Variants in RSPO4 observed in about 807,000 individuals in gnomAD.
The protein encoded by RSPO4 is R-spondin 4, also known as R-spondin-4.
In RSPO4, 23 loss-of-function variants were observed where a neutral mutation model predicts 24.8. The ratio of observed to expected loss-of-function variants is 0.93; its 90% confidence interval spans 0.67 to 1.31. RSPO4 has a LOEUF of 1.31. Ranked by LOEUF, RSPO4 falls within the 40% of genes most tolerant of loss-of-function variation. The pLI, the probability that RSPO4 is intolerant of heterozygous loss-of-function variation, is 0.00. For missense variants in RSPO4, 333 were observed against 316.5 expected (o/e 1.05, Z -0.39); for synonymous variants, 141 against 127.4 (o/e 1.11, Z -0.72).
In RSPO4 at chr20:968,002, G is replaced by A. The variant is rs762043573; in HGVS notation, c.216C>T (p.Asp72=). The change falls in exon 2 of 5, where the codon GAC becomes GAT. Residue 72 remains aspartate, a synonymous_variant. Coordinates refer to ENST00000217260, the MANE Select transcript of RSPO4 (RefSeq NM_001029871.4). ...GIRQYGKCLH[D]CPPGYFGIRG... ...GGATGCCGAAGTACCCAGGGGGACA[G>A]TCGTGCAGGCACTTGCCGTACTGGC... 8 of 1,614,150 alleles carry A rather than the reference G, an allele frequency of 5.0e-6. No homozygotes were observed. Among genetic ancestry groups the A allele is most frequent in the Non-Finnish European group, 6.8e-6 (8 of 1,180,054 alleles).
chr20:963,822 T>G, intron 4 of RSPO4, 113 bp downstream of exon 4: 4 of 1,061,466 alleles, frequency 3.8e-6, no homozygotes, highest in Non-Finnish European at 5.8e-6. Context: ...GTATGGCTAA[T>G]GGTGGCCTTT....
At chr20:960,815 C>G (rs1306312866) in intron 4 of RSPO4, among the ~76,000 whole-genome samples, 1 of 152,244 alleles carries the variant, frequency 6.6e-6, no homozygotes, top group Non-Finnish European at 1.5e-5. Flanking sequence ...TTCCCCGGCA[C>G]ACTCCTTCCA....
intron 1 of RSPO4, among the ~76,000 whole-genome samples, chr20:982,405 C>T (rs186293900): frequency 1.3e-3 from 204 of 152,338 alleles, no homozygotes; most frequent in African/African-American, 4.9e-3. Context: ...AGTTGTCAAG[C>T]ATATGCAGTT....
chr20:965,629 G>C (rs1182634668), intron 3 of RSPO4, among the ~76,000 whole-genome samples: 1 of 152,230 alleles, frequency 6.6e-6, no homozygotes, highest in African/African-American at 2.4e-5. Flanking sequence ...GATAGGCAGG[G>C]GGTGGCAAGA....
intron 1 of RSPO4, among the ~76,000 whole-genome samples, chr20:992,505 G>C (rs559364736): frequency 6.6e-6 from 1 of 151,952 alleles, no homozygotes; most frequent in East Asian, 1.9e-4. Context: ...AGGCTCGAAC[G>C]TTCTGTACAC....
At chr20:988,704 CCAT>C (rs1183001316) in intron 1 of RSPO4, among the ~76,000 whole-genome samples, 1 of 152,156 alleles carries the variant, frequency 6.6e-6, no homozygotes, top group African/African-American at 2.4e-5. Flanking sequence ...GCACCCACCA[CCAT>C]GCCTGGCTAA....
intron 3 of RSPO4, among the ~76,000 whole-genome samples, chr20:964,554 A>T (rs1041778753): frequency 1.6e-4 from 25 of 151,954 alleles, no homozygotes; most frequent in African/African-American, 5.8e-4. Context: ...GTTGCCTGGG[A>T]AGCCCTCAGG....
intron 4 of RSPO4, among the ~76,000 whole-genome samples, chr20:961,805 C>G (rs753742966): frequency 1.3e-5 from 2 of 152,060 alleles, no homozygotes; most frequent in South Asian, 2.1e-4. Flanking sequence ...ATTTACCCAC[C>G]TACACACTCA....
chr20:991,958 AG>A (rs1467416073), intron 1 of RSPO4, among the ~76,000 whole-genome samples: 1 of 152,170 alleles, frequency 6.6e-6, no homozygotes, highest in African/African-American at 2.4e-5. Context: ...CTGTGAATTA[AG>A]GAGTCCGATT....
chr20:968,758 T>C (rs1015566673), intron 1 of RSPO4, among the ~76,000 whole-genome samples: 5 of 152,200 alleles, frequency 3.3e-5, no homozygotes, highest in African/African-American at 4.8e-5. Flanking sequence ...TACTCAGCAA[T>C]ACTCCATTTC....
At chr20:979,691 T>C (rs1984678589) in intron 1 of RSPO4, among the ~76,000 whole-genome samples, 1 of 152,180 alleles carries the variant, frequency 6.6e-6, no homozygotes, top group Non-Finnish European at 1.5e-5. Context: ...TGTTCAAAAG[T>C]TCCCCAACTA....
chr20:970,078 A>G lies in RSPO4; in HGVS notation c.80-1940T>C, dbSNP rs1258312174. On this transcript the variant is annotated intron_variant, in intron 1 of 4. Transcript: ENST00000217260. This position sits in a 1 kb window ranked among gnomAD's most constrained non-coding sequence, Gnocchi z 4.1. ...TTCCCCCTGGAACAGAAACCAAAAGAGTTCTGGCCCTCCTTTAAGTTGGCA... is the reference window on the plus strand; with the variant it reads ...TTCCCCCTGGAACAGAAACCAAAAGGGTTCTGGCCCTCCTTTAAGTTGGCA... Among the ~76,000 whole-genome samples, 1 of 152,144 alleles carries G rather than the reference A, an allele frequency of 6.6e-6. No homozygotes were observed. The highest frequency in any genetic ancestry group is 1.5e-5 in the Non-Finnish European group (1 of 68,008).
At position 985,158 on chromosome 20, in the gene RSPO4, TCCAC is replaced by T. The variant is rs1406947174; in HGVS notation, c.79+16924_79+16927del. ...ATCTATCCATCCATCCATCCATCCA[TCCAC>T]CCACCCACCTACCCATCTGCCCACC... On this transcript the variant is annotated intron_variant, in intron 1 of 4. Coordinates refer to ENST00000217260, the MANE Select transcript of RSPO4 (RefSeq NM_001029871.4). 1.5e-3 allele frequency among the ~76,000 whole-genome samples: 197 copies of T among 128,472 alleles called. 1 individual carries two copies. The highest frequency in any genetic ancestry group is 4.5e-3 in the African/African-American group (155 of 34,794). 84.3% of individuals were successfully genotyped at this position (128,472 alleles called of 152,430 possible).
intron 4 of RSPO4, among the ~76,000 whole-genome samples, chr20:963,445 C>T (rs926214464): frequency 1.3e-5 from 2 of 152,114 alleles, no homozygotes; most frequent in Non-Finnish European, 2.9e-5. Context: ...GATGTGGCCA[C>T]GTACTTGGGG....
intron 2 of RSPO4, 79 bp downstream of exon 2, chr20:967,871 C>T: frequency 7.4e-7 from 1 of 1,355,758 alleles, no homozygotes. Context: ...TCTGTCTGTG[C>T]TGGGGTGAAA....
In RSPO4 at chr20:964,019, C is replaced by A; in HGVS notation, c.511G>T (p.Gly171Cys). Residue 171 changes from glycine to cysteine, a missense_variant, in exon 4 of 5, where the codon GGC becomes TGC. Coordinates refer to ENST00000217260, the MANE Select transcript of RSPO4 (RefSeq NM_001029871.4). ...GCTGCCTCCTCATGCCCAGCCCGGC[C>A]AGCCTCTCGTACCCGGCTCTCCAGG... ...WGLESRVREA[G>C]RAGHEEAATC... 1 of 1,613,878 alleles carries A rather than the reference C, an allele frequency of 6.2e-7. No individual in the cohort carries two copies. Among genetic ancestry groups the A allele is most frequent in the Non-Finnish European group, 8.5e-7 (1 of 1,180,052 alleles).
chr20:971,692 G>T (rs1398143234), intron 1 of RSPO4, among the ~76,000 whole-genome samples: 1 of 152,190 alleles, frequency 6.6e-6, no homozygotes, highest in African/African-American at 2.4e-5. Flanking sequence ...TTTGTGACTT[G>T]TAAATATGCA....
At chr20:966,602 C>T (rs1984207868) in intron 3 of RSPO4, among the ~76,000 whole-genome samples, 1 of 152,132 alleles carries the variant, frequency 6.6e-6, no homozygotes, top group African/African-American at 2.4e-5. Flanking sequence ...GTGGCTCATA[C>T]CTATACTCCC....
intron 1 of RSPO4, among the ~76,000 whole-genome samples, chr20:992,486 T>A (rs997168322): frequency 1.3e-5 from 2 of 152,092 alleles, no homozygotes; most frequent in Admixed American, 1.3e-4. Flanking sequence ...CAGGGCCATC[T>A]CTGACATCAG....
Sources: gnomAD v4.1 joint callset for allele counts (sites outside exome capture counted in the v4.1 genomes callset) on GRCh38, gnomAD v4.1.1 for gene constraint, Gnocchi (gnomAD v3.1) non-coding constraint, MANE v1.5 for transcripts, NCBI Gene and HGNC (gene_info 2026-07-23, HGNC 2026-07-21) for gene names.